UBQLN4: variants seen among roughly 807,000 people sequenced by gnomAD.
The protein encoded by UBQLN4 is ubiquilin-4.
Under a neutral mutation model 60.4 loss-of-function variants are expected in UBQLN4, and 11 were observed. The ratio of observed to expected loss-of-function variants is 0.18; its 90% CI spans 0.11 to 0.30. The LOEUF is 0.30. Among genes scored for constraint, UBQLN4 ranks in the 10% least tolerant of loss-of-function variants. UBQLN4 has a pLI of 1.00. For synonymous variants in UBQLN4, 258 were observed against 313.1 expected, an observed-to-expected ratio of 0.82 and a Z score of 1.86; for missense variants, 417 against 795.5, an observed-to-expected ratio of 0.52 and a Z score of 5.72.
chr1:156,031,574 CTTCT>C (rs1174736251), downstream of UBQLN4, among the ~76,000 whole-genome samples: 10 of 136,100 alleles, frequency 7.3e-5, no homozygotes, highest in East Asian at 1.6e-3. Context: ...ATAGGAACTT[CTTCT>C]TTTTTTTTTT....
chr1:156,047,678 G>T (rs1244036968), intron 5 of UBQLN4, among the ~76,000 whole-genome samples: 7 of 151,270 alleles, frequency 4.6e-5, no homozygotes, highest in Non-Finnish European at 1.0e-4. Context: ...GGCGGATCAT[G>T]AGGTCAGGAG....
rs556176432 is a variant in UBQLN4, at chr1:156,048,399, G to A, written c.900+102C>T. The A allele has an allele frequency of 7.2e-7, 1 of 1,396,386 alleles. No individual in the cohort carries two copies. The highest frequency in any genetic ancestry group is 1.4e-5 in the South Asian group (1 of 71,954). The allele number at this position is 1,396,386 out of a possible 1,614,324, so 86.5% of individuals were successfully genotyped here. On this transcript the variant is annotated intron_variant, in intron 5 of 10. Transcript: ENST00000368309. This position sits in a 1 kb window ranked among gnomAD's most constrained non-coding sequence, Gnocchi z 4.9. ...TCAAGCCAAGGCCCACCCCTCAGGGGACTGGGGAAAGAAAGAAGAGCAGGC... is the reference window on the plus strand; with the variant it reads ...TCAAGCCAAGGCCCACCCCTCAGGGAACTGGGGAAAGAAAGAAGAGCAGGC...
chr1:156,046,655 A>G (rs1275893543), intron 5 of UBQLN4, among the ~76,000 whole-genome samples: 2 of 152,096 alleles, frequency 1.3e-5, no homozygotes, highest in East Asian at 3.9e-4. Flanking sequence ...AGCCTGGCCA[A>G]TATGGTGAAA....
intron 5 of UBQLN4, among the ~76,000 whole-genome samples, chr1:156,044,735 T>C (rs1442704306): frequency 6.6e-6 from 1 of 151,964 alleles, no homozygotes; most frequent in African/African-American, 2.4e-5. Context: ...CTTGGACTAA[T>C]CCTAACTCCC....
chr1:156,039,827 C>T (rs560024539), intron 10 of UBQLN4, among the ~76,000 whole-genome samples: 1 of 148,796 alleles, frequency 6.7e-6, no homozygotes, highest in African/African-American at 2.5e-5. Flanking sequence ...GTCCCAGCTA[C>T]TCGGGAGGCT....
Position 156,051,256 on chromosome 1 carries a change from G to A in UBQLN4, c.332C>T (p.Thr111Met), listed in dbSNP as rs370250053. The change falls in exon 3 of 11, where the codon ACG becomes ATG. Residue 111 changes from threonine (T) to methionine (M), a missense_variant. By Grantham distance (81) the Thr-to-Met change is moderately conservative (BLOSUM62 -1). Coordinates refer to ENST00000368309, the MANE Select transcript of UBQLN4 (RefSeq NM_020131.5). ...TPDPASAPST[T>M]PASPATPAQP... The stretch of plus-strand genomic sequence containing the variant: ...GGCAGGGGTGGCGGGTGAAGCAGGC[G>A]TGGTGGAGGGTGCTGAGGCAGGGTC... The A allele has an allele frequency of 9.0e-5, 143 of 1,582,692 alleles. No homozygotes were observed. The highest frequency in any genetic ancestry group is 4.5e-4 in the South Asian group (39 of 87,560).
downstream of UBQLN4, among the ~76,000 whole-genome samples, chr1:156,034,837 A>AT (rs1356031221): frequency 4.7e-4 from 19 of 40,332 alleles, no homozygotes; most frequent in African/African-American, 1.6e-3. Flanking sequence ...ATATATATAT[A>AT]TATATATATA....
chr1:156,041,901 C>A lies in UBQLN4; in HGVS notation c.1437G>T (p.Leu479Phe). The A allele has an allele frequency of 6.2e-7, 1 of 1,613,712 alleles. No homozygotes were observed. The highest frequency in any genetic ancestry group is 8.5e-7 in the Non-Finnish European group (1 of 1,179,906). The change falls in exon 9 of 11, where the codon TTG (leucine) becomes TTT (phenylalanine). Residue 479 changes from leucine to phenylalanine, a missense_variant. Physicochemically the swap from Leu to Phe is conservative, Grantham distance 22. Transcript: ENST00000368309. ...GTACCAGCCCAGGGGCCTCGGTCTG[C>A]AAGGTCTGTAGTCCCTGCTGGATCT... is the stretch of plus-strand genomic sequence containing the variant. ...LLQIQQGLQTLQTEAPGLVPS... is the reference protein window; with the variant it reads ...LLQIQQGLQTFQTEAPGLVPS...
chr1:156,034,878 T>C (rs1489347647), downstream of UBQLN4, among the ~76,000 whole-genome samples: 3 of 124,216 alleles, frequency 2.4e-5, 1 homozygote, highest in Non-Finnish European at 5.1e-5. Context: ...TATAATTTTT[T>C]TTTCTTTTGA....
chr1:156,052,438 T>C (rs1164671392), intron 1 of UBQLN4, among the ~76,000 whole-genome samples: 1 of 152,234 alleles, frequency 6.6e-6, no homozygotes, highest in Non-Finnish European at 1.5e-5. Flanking sequence ...GTGATTCTCC[T>C]GCTTCAGCCT....
chr1:156,047,408 T>TG (rs1159619602), intron 5 of UBQLN4, among the ~76,000 whole-genome samples: 1 of 151,608 alleles, frequency 6.6e-6, no homozygotes, highest in African/African-American at 2.4e-5. Flanking sequence ...CATGCCCGGC[T>TG]AATTTTTTGT....
At chr1:156,049,974 C>A (rs1048029811) in intron 4 of UBQLN4, among the ~76,000 whole-genome samples, 2 of 152,184 alleles carry the variant, frequency 1.3e-5, no homozygotes, top group Non-Finnish European at 2.9e-5. Flanking sequence ...GGTCTCAGCT[C>A]GGTGACATTT....
chr1:156,050,704 T>A lies in UBQLN4; in HGVS notation c.479-151A>T. 7.9e-7 allele frequency: 1 copy of A among 1,267,448 alleles called. No individual in the cohort carries two copies. The highest frequency in any genetic ancestry group is 1.1e-6 in the Non-Finnish European group (1 of 943,714). 78.5% of individuals were successfully genotyped at this position (1,267,448 alleles called of 1,614,324 possible). A position where few individuals can be genotyped will look rare whatever the true frequency, so the allele number is the denominator to read the frequency against. ...CCACAGCCCGGCCCTGATCCACTGC[T>A]GGCAAAAAAATGTGAGCCTACTAGA... On this transcript the variant is annotated intron_variant, in intron 3 of 10. Coordinates refer to ENST00000368309, the MANE Select transcript of UBQLN4 (RefSeq NM_020131.5). The surrounding 1 kb of genome is among the most constrained non-coding windows in gnomAD (Gnocchi z 4.6).
Position 156,037,121 on chromosome 1 carries a change from G to A in UBQLN4, c.1663C>T (p.Pro555Ser). 1 of 1,614,138 alleles carries A rather than the reference G, an allele frequency of 6.2e-7. No individual in the cohort carries two copies. The highest frequency in any genetic ancestry group is 8.5e-7 in the Non-Finnish European group (1 of 1,180,004). The change falls in exon 11 of 11, where the codon CCA becomes TCA. Residue 555 changes from proline (P) to serine (S), a missense_variant. By Grantham distance (74) the Pro-to-Ser change is moderately conservative. Coordinates refer to ENST00000368309, the MANE Select transcript of UBQLN4 (RefSeq NM_020131.5). Reference sequence around the variant, plus strand: ...AGCTGCTGCTGAAATCTCACTTCTGGCGTCTGCACCTGGAGGGGACAGGCC... The same window carrying A: ...AGCTGCTGCTGAAATCTCACTTCTGACGTCTGCACCTGGAGGGGACAGGCC... ...AGSGNSQVQT[P>S]EVRFQQQLEQ...
chr1:156,053,515 G>C lies in UBQLN4; in HGVS notation c.108+79C>G, dbSNP rs560691231. The C allele has an allele frequency of 4.4e-5, 46 of 1,034,954 alleles. No individual in the cohort carries two copies. In the East Asian group the frequency reaches 2.0e-3, roughly 46 times the overall value. The allele number at this position is 1,034,954 out of a possible 1,614,324, so 64.1% of individuals were successfully genotyped here. ...CCTCCTCTCCGGGGCCCTCCGGGAC[G>C]CCGGACCGTCAGAGAGGCCCCCCAT... On this transcript the variant is annotated intron_variant, in intron 1 of 10. Transcript: ENST00000368309.
At position 156,035,814 on chromosome 1, in the gene UBQLN4, CTTT is replaced by C; in HGVS notation, c.*1161_*1163del. 1.0e-6 allele frequency: 1 copy of C among 985,498 alleles called. No individual in the cohort carries two copies. Among genetic ancestry groups the C allele is most frequent in the Non-Finnish European group, 1.2e-6 (1 of 829,928 alleles). 61.0% of individuals were successfully genotyped at this position (985,498 alleles called of 1,614,324 possible). ...ATATATATTCCTGCAATGGACTGACCTTTTTACCCACTTGTCTCTGGTGGTGGG... is the reference window on the plus strand; with the variant it reads ...ATATATATTCCTGCAATGGACTGACCTTACCCACTTGTCTCTGGTGGTGGG... On this transcript the variant is annotated 3_prime_UTR_variant, in exon 11 of 11. Coordinates refer to ENST00000368309, the MANE Select transcript of UBQLN4 (RefSeq NM_020131.5).
At chr1:156,039,936 C>CAAAAAAAAAAAAAAAAAAA (rs34790727) in intron 10 of UBQLN4, among the ~76,000 whole-genome samples, 1 of 72,008 alleles carries the variant, frequency 1.4e-5, no homozygotes, top group Non-Finnish European at 2.5e-5. Flanking sequence ...GACTCCGTCT[C>CAAAAAAAAAAAAAAAAAAA]AAAAAAAAAA....
chr1:156,047,409 A>G (rs140479908), intron 5 of UBQLN4, among the ~76,000 whole-genome samples: 1,686 of 151,424 alleles, frequency 0.011, 30 homozygotes, highest in African/African-American at 0.039. Flanking sequence ...ATGCCCGGCT[A>G]ATTTTTTGTA....
chr1:156,050,386 G>T lies in UBQLN4; in HGVS notation c.646C>A (p.Arg216Ser). Reference protein sequence around the residue: ...QDMMSNPDLMRHMIMANPQMQ... With the variant: ...QDMMSNPDLMSHMIMANPQMQ... ...TGGGGGTTGGCCATAATCATGTGAC[G>T]CATCAGATCAGGGTTAGACATCATA... Residue 216 changes from arginine to serine, a missense_variant, in exon 4 of 11, where the codon CGT (arginine) becomes AGT (serine). Transcript: ENST00000368309. The surrounding 1 kb of genome is among the most constrained non-coding windows in gnomAD (Gnocchi z 4.6). The T allele has an allele frequency of 6.2e-7, 1 of 1,613,818 alleles. No homozygotes were observed. Among genetic ancestry groups the T allele is most frequent in the South Asian group, 1.1e-5 (1 of 91,066 alleles).
Sources: gnomAD v4.1 joint callset for allele counts (sites outside exome capture counted in the v4.1 genomes callset) on GRCh38, gnomAD v4.1.1 for gene constraint, Gnocchi (gnomAD v3.1) non-coding constraint, MANE v1.5 for transcripts, NCBI Gene and HGNC (gene_info 2026-07-23, HGNC 2026-07-21) for gene names.